Variants in CNOT1 observed in about 807,000 individuals in gnomAD.
The protein encoded by CNOT1 is CCR4-NOT transcription complex subunit 1.
Under a neutral mutation model 273.8 loss-of-function variants are expected in CNOT1, and 15 were observed. That is an observed-to-expected ratio of 0.05 (90% CI 0.04 to 0.08). The LOEUF (loss-of-function observed/expected upper bound fraction) is 0.08. Among genes scored for constraint, CNOT1 ranks in the 10% least tolerant of loss-of-function variants. The probability of loss-of-function intolerance (pLI) is 1.00; values close to 1 mark genes in which losing one functional copy is unlikely to be tolerated. For missense variants in CNOT1, 1,644 were observed against 2,912.2 expected, an observed-to-expected ratio of 0.56 and a Z score of 10.02; for synonymous variants, 1,022 against 1,005.5, an observed-to-expected ratio of 1.02 and a Z score of -0.31.
chr16:58,574,589 T>C lies in CNOT1; in HGVS notation c.1979+20A>G. The C allele has an allele frequency of 7.1e-6, 11 of 1,552,700 alleles. No individual in the cohort carries two copies. Among genetic ancestry groups the C allele is most frequent in the Non-Finnish European group, 9.5e-6 (11 of 1,155,372 alleles). On this transcript the variant is annotated intron_variant, in intron 16 of 48. Coordinates refer to ENST00000317147, the MANE Select transcript of CNOT1 (RefSeq NM_016284.5). The stretch of plus-strand genomic sequence containing the variant: ...ATAATCCAATTCAAAAAAAGTCATA[T>C]TCATGTATGTACTTCTTACCCTGCA...
intron 39 of CNOT1, among the ~76,000 whole-genome samples, chr16:58,535,890 C>A (rs2151909370): frequency 1.3e-5 from 2 of 152,162 alleles, no homozygotes; most frequent in South Asian, 4.2e-4. Context: ...CCCGCCACCA[C>A]ACCCGGCTAA....
chr16:58,587,564 A>C, intron 4 of CNOT1, 151 bp from the exon 5 acceptor site: 1 of 1,245,750 alleles, frequency 8.0e-7, no homozygotes, highest in East Asian at 2.5e-5. Context: ...TAAAACTGTG[A>C]AATGACAAAC....
rs1203635689 is a variant in CNOT1 at position 58,520,133 on chromosome 16, G to C, written c.*825C>G. Reference sequence around the variant, plus strand: ...ACTTTGTCATTATTCAGCTTAGCCTGTATGGCCATTCATTCAGTGGGGTAA... The same window carrying C: ...ACTTTGTCATTATTCAGCTTAGCCTCTATGGCCATTCATTCAGTGGGGTAA... On this transcript the variant is annotated 3_prime_UTR_variant, in exon 49 of 49. Transcript: ENST00000317147. 1 of 152,182 alleles carries C rather than the reference G, an allele frequency of 6.6e-6. No homozygotes were observed. The highest frequency in any genetic ancestry group is 1.5e-5 in the Non-Finnish European group (1 of 68,050). 9.4% of individuals were successfully genotyped at this position (152,182 alleles called of 1,614,324 possible).
At chr16:58,524,427 G>A (rs971638807) in intron 46 of CNOT1, among the ~76,000 whole-genome samples, 1 of 151,902 alleles carries the variant, frequency 6.6e-6, no homozygotes, top group Admixed American at 6.6e-5. Flanking sequence ...GTCTGTCACA[G>A]TGACACGTTT....
intron 42 of CNOT1, chr16:58,530,791 A>AAAAAG (rs1555493924): frequency 2.0e-5 from 3 of 152,308 alleles, no homozygotes; most frequent in Non-Finnish European, 4.4e-5. Flanking sequence ...TCAAAAAAAA[A>AAAAAG]AAAAGAAAAG....
At chr16:58,624,701 G>A (rs2043491492) in intron 1 of CNOT1, 1 of 152,222 alleles carries the variant, frequency 6.6e-6, no homozygotes, top group South Asian at 2.1e-4. Context: ...GGGAGGCTGA[G>A]GGAGGAGAAT....
At chr16:58,599,658 C>A (rs114987005) in intron 1 of CNOT1, 147 bp from the exon 2 acceptor site, 130 of 432,812 alleles carry the variant, frequency 3.0e-4, no homozygotes, top group African/African-American at 2.4e-3. Flanking sequence ...AAACTACCAT[C>A]GTCTCTGTGT....
chr16:58,576,531 A>G lies in CNOT1; in HGVS notation c.1636T>C (p.Tyr546His). 1.2e-6 allele frequency: 2 copies of G among 1,614,142 alleles called. No homozygotes were observed. Among genetic ancestry groups the G allele is most frequent in the Non-Finnish European group, 1.7e-6 (2 of 1,180,024 alleles). The change falls in exon 14 of 49, where the codon TAC (tyrosine) becomes CAC (histidine). Residue 546 changes from tyrosine to histidine, a missense_variant. Physicochemically the swap from Tyr to His is moderately conservative, Grantham distance 83 (BLOSUM62 2). Transcript: ENST00000317147. ...TGATCATACTGCTCCCCTCTCATGT[A>G]CCATTCTGCCATTGCATGCATGATA... ...QLIMHAMAEW[Y>H]MRGEQYDQAK...
At chr16:58,576,419 T>A in intron 14 of CNOT1, 44 bp downstream of exon 14, 1 of 1,611,298 alleles carries the variant, frequency 6.2e-7, no homozygotes, top group South Asian at 1.1e-5. Context: ...CCTTTTTTTC[T>A]CATTAGTAAA....
intron 1 of CNOT1, among the ~76,000 whole-genome samples, chr16:58,622,187 G>A (rs1011954767): frequency 5.3e-5 from 8 of 151,134 alleles, no homozygotes; most frequent in African/African-American, 1.9e-4. Flanking sequence ...GGTGGTGGGC[G>A]CCTGTAGTCC....
chr16:58,620,072 G>A (rs1366295255), intron 1 of CNOT1, among the ~76,000 whole-genome samples: 12 of 151,924 alleles, frequency 7.9e-5, no homozygotes, highest in Admixed American at 5.3e-4. Context: ...CCAGAGTATC[G>A]ATTTCCAAGA....
chr16:58,565,076 T>C (rs1240628071), intron 16 of CNOT1, among the ~76,000 whole-genome samples: 1 of 152,216 alleles, frequency 6.6e-6, no homozygotes, highest in Non-Finnish European at 1.5e-5. Flanking sequence ...CCCTGAAGCA[T>C]TGGTTTGGAT....
chr16:58,576,714 C>T, intron 13 of CNOT1, 132 bp from the exon 14 acceptor site: 2 of 1,386,986 alleles, frequency 1.4e-6, no homozygotes, highest in Non-Finnish European at 9.6e-7. Flanking sequence ...AAGTTCAGGC[C>T]TCAAACTATG....
chr16:58,624,986 A>T (rs554073728), intron 1 of CNOT1, among the ~76,000 whole-genome samples: 1 of 151,968 alleles, frequency 6.6e-6, no homozygotes, highest in Admixed American at 6.6e-5. Flanking sequence ...GGTGGCTCAC[A>T]TCTGTAATCA....
chr16:58,533,961 TA>T (rs1222960040), intron 40 of CNOT1, among the ~76,000 whole-genome samples, 185 bp downstream of exon 40: 1 of 150,926 alleles, frequency 6.6e-6, no homozygotes, highest in African/African-American at 2.4e-5. Flanking sequence ...AAGACTCTAC[TA>T]AAAATAGAAA....
In CNOT1 at chr16:58,549,756, T is replaced by C; in HGVS notation, c.3485A>G (p.Asn1162Ser). ...FLDTLKNPEF[N>S]KMVLNETYRN... Reference sequence around the variant, plus strand: ...GTAGGTCTCATTCAGAACCATCTTGTTAAATTCAGGATTCTTCAGCGTGTC... The same window carrying C: ...GTAGGTCTCATTCAGAACCATCTTGCTAAATTCAGGATTCTTCAGCGTGTC... The change falls in exon 25 of 49, where the codon AAC (asparagine) becomes AGC (serine). Residue 1162 changes from asparagine (N) to serine (S), a missense_variant. Physicochemically the swap from Asn to Ser is conservative, Grantham distance 46. This residue lies in a region of CNOT1 where 124 missense variants were observed against 289.3 expected (regional missense o/e 0.43). Coordinates refer to ENST00000317147, the MANE Select transcript of CNOT1 (RefSeq NM_016284.5). The C allele has an allele frequency of 6.2e-7, 1 of 1,613,316 alleles. No homozygotes were observed. Among genetic ancestry groups the C allele is most frequent in the Non-Finnish European group, 8.5e-7 (1 of 1,179,864 alleles).
chr16:58,523,828 A>G, intron 46 of CNOT1: 1 of 206,746 alleles, frequency 4.8e-6, no homozygotes, highest in Non-Finnish European at 9.8e-6. Flanking sequence ...TTAATAAAAG[A>G]CAGCTGGATT....
Position 58,537,151 on chromosome 16 carries a change from T to A in CNOT1, c.5484A>T (p.Pro1828=). 6.2e-7 allele frequency: 1 copy of A among 1,614,094 alleles called. No homozygotes were observed. Among genetic ancestry groups the A allele is most frequent in the Non-Finnish European group, 8.5e-7 (1 of 1,179,980 alleles). Residue 1828 remains proline (P), a synonymous_variant, in exon 39 of 49, where the codon CCA becomes CCT. Coordinates refer to ENST00000317147, the MANE Select transcript of CNOT1 (RefSeq NM_016284.5). ...EAMIDRAHGG[P]NFMMHSGISQ... ...AGATCCCAGAATGCATCATAAAGTT[T>A]GGGCCTCCATGAGCACGATCAATCA...
At chr16:58,619,758 T>C (rs1033251569) in intron 1 of CNOT1, among the ~76,000 whole-genome samples, 1 of 152,066 alleles carries the variant, frequency 6.6e-6, no homozygotes, top group African/African-American at 2.4e-5. Context: ...AAATGAAAAA[T>C]TCAAATCTTG....
Sources: allele counts gnomAD v4.1 joint callset (sites outside exome capture counted in the v4.1 genomes callset), GRCh38; gene constraint gnomAD v4.1.1; regional missense constraint gnomAD v4.1.1; transcripts MANE v1.5; gene names NCBI Gene and HGNC (gene_info 2026-07-23, HGNC 2026-07-21).